The following DCAF1 variants were observed in gnomAD, a reference collection of about 807,000 sequenced individuals.
DCAF1 encodes DDB1 and CUL4 associated factor 1, also known as DDB1- and CUL4-associated factor 1.
Under a neutral mutation model 128.0 loss-of-function variants are expected in DCAF1, and 15 were observed. That is an observed-to-expected ratio of 0.12 (90% CI 0.08 to 0.18). DCAF1 has a LOEUF of 0.18. Ranked by LOEUF, DCAF1 falls within the 10% of genes least tolerant of loss-of-function variation. The pLI is 1.00. For synonymous variants in DCAF1, 610 were observed against 603.0 expected, an observed-to-expected ratio of 1.01 and a Z score of -0.17; for missense variants, 988 against 1,649.5, an observed-to-expected ratio of 0.60 and a Z score of 6.95.
At chr3:51,448,823 G>A (rs1446930525) in intron 6 of DCAF1, among the ~76,000 whole-genome samples, 7 of 151,942 alleles carry the variant, frequency 4.6e-5, no homozygotes, top group African/African-American at 1.7e-4. Flanking sequence ...ATAAGCCATT[G>A]AACCTAAAAG....
Position 51,420,351 on chromosome 3 carries a change from C to T in DCAF1, c.2619G>A (p.Glu873=), listed in dbSNP as rs369031550. ...LGETATVLTK[E]ADLPMTAASH... is the part of the protein sequence containing the mutation. ...AGGCAGCAGTCATGGGCAGGTCAGC[C>T]TCTTTTGTCAGCACGGTTGCTGTTT... The change falls in exon 15 of 25, where the codon GAG becomes GAA. Residue 873 remains glutamate (E), a synonymous_variant. Coordinates refer to ENST00000684031, the MANE Select transcript of DCAF1 (RefSeq NM_001387579.1). The surrounding 1 kb of genome is among the most constrained non-coding windows in gnomAD (Gnocchi z 6.5). 3.8e-5 allele frequency: 61 copies of T among 1,613,874 alleles called. No individual in the cohort carries two copies. Among genetic ancestry groups the T allele is most frequent in the Non-Finnish European group, 5.2e-5 (61 of 1,179,896 alleles).
intron 2 of DCAF1, among the ~76,000 whole-genome samples, chr3:51,487,199 T>C (rs1177009367): frequency 6.6e-6 from 1 of 152,032 alleles, no homozygotes; most frequent in Non-Finnish European, 1.5e-5. Flanking sequence ...CTCGATCTCT[T>C]GACCGCGTGA....
rs782218331 is a variant in DCAF1, at chr3:51,461,631, T to C, written c.375+1483A>G. On this transcript the variant is annotated intron_variant, in intron 6 of 24. Transcript: ENST00000684031. ...TTCACACGTATGTTTATTGCGGCAC[T>C]ATTCACAATAGCAAAGACTTGGAAC... 5.3e-5 allele frequency among the ~76,000 whole-genome samples: 8 copies of C among 152,192 alleles called. No homozygotes were observed. In the South Asian group the frequency reaches 1.4e-3, roughly 28 times the overall value.
At chr3:51,475,218 A>T (rs75353842) in intron 3 of DCAF1, among the ~76,000 whole-genome samples, 5,796 of 152,032 alleles carry the variant, frequency 0.038, 390 homozygotes, top group African/African-American at 0.13. Context: ...TATATTGTAA[A>T]ATCTACTAGT....
rs377124140 is a variant in DCAF1 at position 51,482,260 on chromosome 3, C to G, written c.110+1459G>C. Among the ~76,000 whole-genome samples, 9 of 151,054 alleles carry G rather than the reference C, an allele frequency of 6.0e-5. No individual in the cohort carries two copies. In the East Asian group the frequency reaches 1.6e-3, roughly 26 times the overall value. ...AGATGTTCAAGACCAGACTGGGTAA[C>G]ACAGGGAGACCCTCCCTCTACAAAA... On this transcript the variant is annotated intron_variant, in intron 3 of 24. Coordinates refer to ENST00000684031, the MANE Select transcript of DCAF1 (RefSeq NM_001387579.1).
chr3:51,430,534 G>A (rs948439249), intron 10 of DCAF1, among the ~76,000 whole-genome samples: 6 of 50,174 alleles, frequency 1.2e-4, no homozygotes, highest in African/African-American at 2.3e-4. Flanking sequence ...AAGAGGAAGA[G>A]GTAAGGAACT....
chr3:51,406,063 G>T (rs868944192), intron 23 of DCAF1, among the ~76,000 whole-genome samples: 3 of 151,606 alleles, frequency 2.0e-5, no homozygotes, highest in South Asian at 2.1e-4. Flanking sequence ...ACAAAAACAG[G>T]CCGGGCGTGG....
intron 6 of DCAF1, among the ~76,000 whole-genome samples, chr3:51,448,753 A>G (rs1188596270): frequency 6.6e-6 from 1 of 152,160 alleles, no homozygotes; most frequent in Admixed American, 6.6e-5. Flanking sequence ...CTCACTTTCA[A>G]TTACGATTAA....
At chr3:51,487,528 T>G (rs1000676097) in intron 2 of DCAF1, among the ~76,000 whole-genome samples, 1 of 152,230 alleles carries the variant, frequency 6.6e-6, no homozygotes, top group East Asian at 1.9e-4. Context: ...TCAGCTGTCA[T>G]GTCTATCTAC....
At chr3:51,495,197 G>A (rs1319679797) in intron 2 of DCAF1, among the ~76,000 whole-genome samples, 6 of 151,682 alleles carry the variant, frequency 4.0e-5, no homozygotes, top group South Asian at 4.2e-4. Flanking sequence ...GGCAGCAGGC[G>A]CCTGCAATCC....
intron 23 of DCAF1, among the ~76,000 whole-genome samples, chr3:51,411,863 A>G (rs1026464944): frequency 2.2e-4 from 34 of 151,984 alleles, no homozygotes; most frequent in African/African-American, 8.2e-4. Context: ...TACTCCACGC[A>G]CTCTGAGAGG....
chr3:51,436,388 G>C lies in DCAF1; in HGVS notation c.1129-3124C>G, dbSNP rs140048118. The C allele has an allele frequency of 5.8e-5, 30 of 520,116 alleles. No individual in the cohort carries two copies. In the East Asian group the frequency reaches 8.7e-4, roughly 15 times the overall value. The allele number at this position is 520,116 out of a possible 1,614,324, so 32.2% of individuals were successfully genotyped here. ...CCATTCAGATGTTGCTGCAGTTTCT[G>C]CATGTATAACCAATGGGATCCTTCT... On this transcript the variant is annotated intron_variant, in intron 9 of 24. Transcript: ENST00000684031.
chr3:51,467,652 A>AAT (rs1339706844), intron 4 of DCAF1, among the ~76,000 whole-genome samples: 1 of 151,968 alleles, frequency 6.6e-6, no homozygotes, highest in Non-Finnish European at 1.5e-5. Flanking sequence ...GTATAATAAA[A>AAT]ATATATATAT....
chr3:51,421,865 C>T (rs1214503596), intron 14 of DCAF1, among the ~76,000 whole-genome samples: 1 of 23,446 alleles, frequency 4.3e-5, no homozygotes. Flanking sequence ...GGTTACAAAA[C>T]TGCTTACTTT....
intron 3 of DCAF1, among the ~76,000 whole-genome samples, chr3:51,477,885 C>G (rs1287160601): frequency 2.6e-5 from 4 of 151,978 alleles, no homozygotes; most frequent in African/African-American, 9.7e-5. Context: ...ATTTACAAAC[C>G]TTCCCATTCC....
intron 4 of DCAF1, among the ~76,000 whole-genome samples, chr3:51,469,434 T>C (rs1704495758): frequency 6.6e-6 from 1 of 151,804 alleles, no homozygotes; most frequent in Non-Finnish European, 1.5e-5. Context: ...TTTTCCATGT[T>C]GGTCAGGCTG....
At chr3:51,485,427 G>A (rs1298555835) in intron 2 of DCAF1, among the ~76,000 whole-genome samples, 1 of 152,206 alleles carries the variant, frequency 6.6e-6, no homozygotes, top group Admixed American at 6.5e-5. Flanking sequence ...GGGAGCTGAG[G>A]TGAGCTTTGG....
At chr3:51,488,361 A>G (rs1707216515) in intron 2 of DCAF1, among the ~76,000 whole-genome samples, 1 of 152,220 alleles carries the variant, frequency 6.6e-6, no homozygotes, top group Non-Finnish European at 1.5e-5. Context: ...ACAAAATACT[A>G]GCAAACAGAA....
chr3:51,460,285 AATC>A (rs1703398308), intron 6 of DCAF1, among the ~76,000 whole-genome samples: 1 of 152,210 alleles, frequency 6.6e-6, no homozygotes, highest in South Asian at 2.1e-4. Flanking sequence ...AAGAGAGCCA[AATC>A]ATGAGTGAAC....
Sources: allele counts gnomAD v4.1 joint callset (sites outside exome capture counted in the v4.1 genomes callset), GRCh38; gene constraint gnomAD v4.1.1; non-coding constraint Gnocchi (gnomAD v3.1); transcripts MANE v1.5; gene names NCBI Gene and HGNC (gene_info 2026-07-23, HGNC 2026-07-21).